The following MECOM variants were observed in gnomAD, a reference collection of about 807,000 sequenced individuals.
MECOM encodes the protein MDS1 and EVI1 complex locus.
MECOM carries 13 observed loss-of-function variants against 116.3 expected under a neutral mutation model. The observed-to-expected ratio is 0.11, with a 90% CI of 0.07 to 0.18. MECOM has a LOEUF of 0.18. Among genes scored for constraint, MECOM ranks in the 10% least tolerant of loss-of-function variants. MECOM has a pLI of 1.00. For missense variants in MECOM, 1,299 were observed against 1,509.0 expected, an observed-to-expected ratio of 0.86 and a Z score of 2.31; for synonymous variants, 528 against 535.2, an observed-to-expected ratio of 0.99 and a Z score of 0.19.
chr3:169,123,157 T>A (rs1011728372), intron 5 of MECOM, among the ~76,000 whole-genome samples: 9 of 151,530 alleles, frequency 5.9e-5, no homozygotes, highest in South Asian at 2.1e-4. Context: ...TTAAGCTCAC[T>A]TGTGAGCTTA....
chr3:169,083,565 A>T lies in MECOM; in HGVS notation c.*1344T>A, dbSNP rs774960722. 5.3e-6 allele frequency: 1 copy of T among 187,484 alleles called. No individual in the cohort carries two copies. The highest frequency in any genetic ancestry group is 1.1e-5 in the Non-Finnish European group (1 of 88,572). 11.6% of individuals were successfully genotyped at this position (187,484 alleles called of 1,614,324 possible). A position where few individuals can be genotyped will look rare whatever the true frequency, so the allele number is the denominator to read the frequency against. On this transcript the variant is annotated 3_prime_UTR_variant, in exon 17 of 17. Coordinates refer to ENST00000651503, the MANE Select transcript of MECOM (RefSeq NM_004991.4). ...CTCCCATAGTAATGCACTGAAAGGC[A>T]TAACAGTTTATATTGTACAAAGCAT...
At position 169,623,752 on chromosome 3, in the gene MECOM, CAAAA is replaced by C. The variant is rs539647027; in HGVS notation, c.37+39580_37+39583del. ...AAAAAATCATCTAGGAACAAAAAAA[CAAAA>C]ACACCAATTTTTAGACAGATAAAAT... On this transcript the variant is annotated intron_variant, in intron 1 of 16. Coordinates refer to ENST00000651503, the MANE Select transcript of MECOM (RefSeq NM_004991.4). Among the ~76,000 whole-genome samples the C allele has an allele frequency of 2.6e-5, 4 of 151,990 alleles. No individual in the cohort carries two copies. In the South Asian group the frequency reaches 8.3e-4, roughly 32 times the overall value.
rs371861530 is a variant in MECOM, at chr3:169,580,499, C to T, written c.37+82837G>A. Among the ~76,000 whole-genome samples the T allele has an allele frequency of 6.6e-5, 10 of 152,252 alleles. 1 individual carries two copies. In the East Asian group the frequency reaches 1.4e-3, roughly 21 times the overall value. On this transcript the variant is annotated intron_variant, in intron 1 of 16. Transcript: ENST00000651503. ...AATGAATAAAATAAAATATTCACCT[C>T]CAGTTACCCTCAAAGTATCCCTGCA...
At chr3:169,433,623 AAGAAAGAAAGAGAAAG>A (rs1742031203) in intron 1 of MECOM, among the ~76,000 whole-genome samples, 1 of 139,822 alleles carries the variant, frequency 7.2e-6, no homozygotes, top group Non-Finnish European at 1.6e-5. Context: ...GGAAGGAGAA[AAGAAAGAAAGAGAAAG>A]AGAAAGAAAG....
chr3:169,402,042 A>G (rs1034375877), intron 1 of MECOM, among the ~76,000 whole-genome samples: 1 of 152,220 alleles, frequency 6.6e-6, no homozygotes, highest in African/African-American at 2.4e-5. Flanking sequence ...CTGTTTCAGT[A>G]GTCCATGACA....
intron 2 of MECOM, among the ~76,000 whole-genome samples, chr3:169,176,365 G>A (rs1446483740): frequency 6.6e-6 from 1 of 152,130 alleles, no homozygotes; most frequent in African/African-American, 2.4e-5. Flanking sequence ...AAGCAATGAG[G>A]AAAGGATCTC....
intron 10 of MECOM, among the ~76,000 whole-genome samples, chr3:169,103,699 C>G (rs921520214): frequency 6.6e-6 from 1 of 152,158 alleles, no homozygotes; most frequent in Non-Finnish European, 1.5e-5. Context: ...ACATTTCCTA[C>G]TCAGAAGGAA....
intron 14 of MECOM, among the ~76,000 whole-genome samples, chr3:169,091,155 T>G (rs1034134192): frequency 6.6e-6 from 1 of 151,948 alleles, no homozygotes; most frequent in Non-Finnish European, 1.5e-5. Context: ...ACTGCCAACT[T>G]GCTTGCATGA....
At chr3:169,477,980 A>G (rs1750744134) in intron 1 of MECOM, among the ~76,000 whole-genome samples, 1 of 152,220 alleles carries the variant, frequency 6.6e-6, no homozygotes, top group South Asian at 2.1e-4. Flanking sequence ...CCCAGGAATG[A>G]CATATCCCCT....
chr3:169,391,435 T>C (rs888996646), intron 1 of MECOM, among the ~76,000 whole-genome samples: 3 of 152,024 alleles, frequency 2.0e-5, no homozygotes, highest in African/African-American at 7.2e-5. Context: ...TGCTAAGGAG[T>C]GCAATTTTCT....
intron 1 of MECOM, among the ~76,000 whole-genome samples, chr3:169,646,204 C>G (rs1029866165): frequency 6.6e-6 from 1 of 151,246 alleles, no homozygotes; most frequent in Non-Finnish European, 1.5e-5. Context: ...AATAAACATA[C>G]GTGTGCATGT....
intron 7 of MECOM, among the ~76,000 whole-genome samples, chr3:169,119,503 A>C (rs1730277226): frequency 1.3e-5 from 2 of 152,296 alleles, no homozygotes; most frequent in South Asian, 4.1e-4. Context: ...ACACAATTAA[A>C]ATTCCAGATC....
chr3:169,146,627 C>T (rs1740036048), intron 2 of MECOM: 2 of 1,367,414 alleles, frequency 1.5e-6, no homozygotes, highest in South Asian at 1.1e-5. Context: ...GCGGGGGGCG[C>T]CCGTAGAAAC....
chr3:169,321,925 A>G (rs1358851161), intron 2 of MECOM, among the ~76,000 whole-genome samples: 1 of 152,230 alleles, frequency 6.6e-6, no homozygotes, highest in Admixed American at 6.5e-5. Flanking sequence ...TGAAGAACAC[A>G]GGGAGCCACC....
intron 1 of MECOM, chr3:169,473,094 G>T: frequency 4.2e-6 from 1 of 238,836 alleles, no homozygotes; most frequent in Non-Finnish European, 6.8e-6. Context: ...CACCACAGTG[G>T]TTCCAACCTG....
intron 1 of MECOM, among the ~76,000 whole-genome samples, chr3:169,440,404 C>A (rs896435669): frequency 1.3e-5 from 2 of 152,040 alleles, no homozygotes; most frequent in Non-Finnish European, 2.9e-5. Flanking sequence ...AGGAAGGTTT[C>A]ATGGAGGAAG....
At chr3:169,395,346 G>T (rs1734859786) in intron 1 of MECOM, among the ~76,000 whole-genome samples, 1 of 152,144 alleles carries the variant, frequency 6.6e-6, no homozygotes, top group Non-Finnish European at 1.5e-5. Flanking sequence ...AAATTGGCTG[G>T]TACCTTTTTC....
rs3044764 is a variant in MECOM, at chr3:169,504,150, AGTGTGTGTGTGTGTGT to A, written c.38-122642_38-122627del. ...CTCTCAAAAAAAAAAGAAAAAGAGA[AGTGTGTGTGTGTGTGT>A]GTGTGTGTGTGTGTGTGTGTGTGTG... is the stretch of plus-strand genomic sequence containing the variant. On this transcript the variant is annotated intron_variant, in intron 1 of 16. Transcript: ENST00000651503. 2.7e-3 allele frequency among the ~76,000 whole-genome samples: 361 copies of A among 132,710 alleles called. 3 individuals are homozygous for A. The highest frequency in any genetic ancestry group is 7.0e-3 in the African/African-American group (257 of 36,956). 87.1% of individuals were successfully genotyped at this position (132,710 alleles called of 152,430 possible).
intron 1 of MECOM, among the ~76,000 whole-genome samples, chr3:169,382,757 G>A (rs1732620394): frequency 6.6e-6 from 1 of 150,500 alleles, no homozygotes; most frequent in Non-Finnish European, 1.5e-5. Flanking sequence ...AGAGGCTGAG[G>A]TGGGAGGATT....
Sources: allele counts gnomAD v4.1 joint callset (sites outside exome capture counted in the v4.1 genomes callset), GRCh38; gene constraint gnomAD v4.1.1; transcripts MANE v1.5; gene names NCBI Gene and HGNC (gene_info 2026-07-23, HGNC 2026-07-21).